Variants in A1CF observed in about 807,000 individuals in gnomAD.
The protein encoded by A1CF is APOBEC1 complementation factor.
In A1CF, 48 loss-of-function variants were observed where a neutral mutation model predicts 68.9. The observed-to-expected ratio is 0.70, with a 90% CI of 0.55 to 0.89. The LOEUF is 0.89. Ranked by LOEUF, A1CF falls within the 40% of genes least tolerant of loss-of-function variation. A1CF has a pLI of 0.00. For missense variants in A1CF, 653 were observed against 718.9 expected (o/e 0.91, Z 1.05); for synonymous variants, 272 against 260.4 (o/e 1.04, Z -0.43).
At chr10:50,845,953 CAA>C (rs151246598) in intron 3 of A1CF, among the ~76,000 whole-genome samples, 7 of 113,212 alleles carry the variant, frequency 6.2e-5, no homozygotes, top group Middle Eastern at 4.3e-3. Flanking sequence ...GACTCTGTCT[CAA>C]AAAAAAAAAA....
chr10:50,876,644 T>C (rs912276448), intron 1 of A1CF, among the ~76,000 whole-genome samples: 8 of 152,224 alleles, frequency 5.3e-5, no homozygotes, highest in African/African-American at 1.9e-4. Flanking sequence ...TGATGGCTTC[T>C]GGACTGGAAC....
chr10:50,867,063 T>G (rs2132559446), intron 1 of A1CF, among the ~76,000 whole-genome samples: 1 of 151,092 alleles, frequency 6.6e-6, no homozygotes, highest in African/African-American at 2.4e-5. Context: ...TTGGGGAAGA[T>G]ACAAGACAAA....
intron 3 of A1CF, among the ~76,000 whole-genome samples, chr10:50,858,155 C>T (rs1309143185): frequency 1.3e-5 from 2 of 152,090 alleles, no homozygotes; most frequent in African/African-American, 2.4e-5. Context: ...AGGGAAATAA[C>T]TGCAACTTTG....
intron 12 of A1CF, among the ~76,000 whole-genome samples, chr10:50,807,696 C>T (rs972816440): frequency 6.6e-6 from 1 of 152,160 alleles, no homozygotes; most frequent in Non-Finnish European, 1.5e-5. Flanking sequence ...CATTATTTCT[C>T]TGTATTGTTT....
At chr10:50,817,842 T>C (rs1010079971) in intron 8 of A1CF, among the ~76,000 whole-genome samples, 7 of 152,192 alleles carry the variant, frequency 4.6e-5, no homozygotes, top group Non-Finnish European at 7.3e-5. Flanking sequence ...AGTTATTTGG[T>C]TTAGATATTT....
chr10:50,855,320 C>T (rs2132508965), intron 3 of A1CF, among the ~76,000 whole-genome samples: 1 of 151,916 alleles, frequency 6.6e-6, no homozygotes, highest in East Asian at 1.9e-4. Flanking sequence ...AAAAGAATCC[C>T]CACACATAAT....
intron 7 of A1CF, among the ~76,000 whole-genome samples, chr10:50,821,719 T>C (rs1838684989): frequency 6.6e-6 from 1 of 152,002 alleles, no homozygotes; most frequent in African/African-American, 2.4e-5. Context: ...GTATTTTTAG[T>C]AGAGAAGGAG....
intron 3 of A1CF, among the ~76,000 whole-genome samples, chr10:50,847,233 CT>C (rs1840042226): frequency 6.6e-6 from 1 of 152,090 alleles, no homozygotes; most frequent in African/African-American, 2.4e-5. Flanking sequence ...ACTCTGGAAA[CT>C]TTTATTTTTC....
intron 7 of A1CF, among the ~76,000 whole-genome samples, chr10:50,827,619 C>T (rs1184294938): frequency 6.6e-6 from 1 of 152,174 alleles, no homozygotes; most frequent in East Asian, 1.9e-4. Flanking sequence ...ACCAGAATCT[C>T]TGGAACACAT....
At chr10:50,826,661 C>T (rs1838955666) in intron 7 of A1CF, among the ~76,000 whole-genome samples, 1 of 152,134 alleles carries the variant, frequency 6.6e-6, no homozygotes, top group Non-Finnish European at 1.5e-5. Flanking sequence ...TAACCAGTAC[C>T]AGCGACTGCA....
intron 10 of A1CF, among the ~76,000 whole-genome samples, chr10:50,812,427 A>G (rs1364758442): frequency 6.6e-6 from 1 of 152,212 alleles, no homozygotes; most frequent in East Asian, 1.9e-4. Flanking sequence ...TTATTAATTG[A>G]TAGAGATTGT....
intron 6 of A1CF, among the ~76,000 whole-genome samples, chr10:50,828,922 C>A (rs1414702519): frequency 1.3e-5 from 2 of 152,066 alleles, no homozygotes; most frequent in African/African-American, 4.8e-5. Flanking sequence ...GAGACATTTT[C>A]AAAAAGTCCT....
intron 3 of A1CF, among the ~76,000 whole-genome samples, chr10:50,844,977 G>A (rs1217900995): frequency 6.6e-6 from 1 of 152,130 alleles, no homozygotes; most frequent in Non-Finnish European, 1.5e-5. Flanking sequence ...TAGCACAAAG[G>A]CTCTTTGGAT....
intron 3 of A1CF, among the ~76,000 whole-genome samples, chr10:50,856,092 G>T (rs748590788): frequency 6.6e-6 from 1 of 151,886 alleles, no homozygotes; most frequent in Non-Finnish European, 1.5e-5. Flanking sequence ...CTACCCTTTC[G>T]ACCAAATAGT....
intron 6 of A1CF, 54 bp downstream of exon 6, chr10:50,836,020 G>T: frequency 6.8e-7 from 1 of 1,461,558 alleles, no homozygotes; most frequent in Non-Finnish European, 9.2e-7. Context: ...TTTTCTTTGC[G>T]GAGGCAGGCA....
chr10:50,831,526 C>T (rs761606296), intron 6 of A1CF, among the ~76,000 whole-genome samples: 3 of 152,066 alleles, frequency 2.0e-5, no homozygotes, highest in African/African-American at 7.2e-5. Context: ...GTCAGTAGTT[C>T]GAGACCAGCC....
chr10:50,831,788 T>C (rs1839259133), intron 6 of A1CF, among the ~76,000 whole-genome samples: 2 of 152,008 alleles, frequency 1.3e-5, no homozygotes, highest in Non-Finnish European at 1.5e-5. Flanking sequence ...AAAGAAGAAA[T>C]ATAAATCGCC....
At chr10:50,810,625 C>T (rs912132524) in intron 11 of A1CF, among the ~76,000 whole-genome samples, 1 of 152,156 alleles carries the variant, frequency 6.6e-6, no homozygotes, top group African/African-American at 2.4e-5. Context: ...CAGGCGCCTG[C>T]TGAGTAACTA....
chr10:50,871,971 G>A (rs1246875689), intron 1 of A1CF, among the ~76,000 whole-genome samples: 1 of 151,954 alleles, frequency 6.6e-6, no homozygotes, highest in Non-Finnish European at 1.5e-5. Context: ...GTTAAAAAGA[G>A]TCTACAGACA....
Sources: gnomAD v4.1 joint callset for allele counts (sites outside exome capture counted in the v4.1 genomes callset) on GRCh38, gnomAD v4.1.1 for gene constraint, MANE v1.5 for transcripts, NCBI Gene and HGNC (gene_info 2026-07-23, HGNC 2026-07-21) for gene names.